Variants in CMYA5 observed in about 807,000 individuals in gnomAD.
CMYA5 encodes cardiomyopathy-associated protein 5.
In CMYA5, 246 loss-of-function variants were observed where a neutral mutation model predicts 318.9. The ratio of observed to expected loss-of-function variants is 0.77; its 90% CI spans 0.70 to 0.86. The LOEUF (loss-of-function observed/expected upper bound fraction) is 0.86, where lower values mean the gene tolerates loss of function less well. CMYA5 is among the 40% of genes least tolerant of loss of function. CMYA5 has a pLI of 0.00. For synonymous variants in CMYA5, 1,641 were observed against 1,729.5 expected (o/e 0.95, Z 1.27); for missense variants, 4,589 against 4,678.2 (o/e 0.98, Z 0.56).
chr5:79,745,204 T>C lies in CMYA5; in HGVS notation c.10735-18T>C, dbSNP rs1157493813. Reference sequence around the variant, plus strand: ...TTGTTTCATTCAGAAGTGGGCTTTTTTGCTTGTTTGTTTTCAGGAAAACTG... The same window carrying C: ...TTGTTTCATTCAGAAGTGGGCTTTTCTGCTTGTTTGTTTTCAGGAAAACTG... On this transcript the variant is annotated intron_variant, in intron 3 of 12. Transcript: ENST00000446378. 1 of 1,508,764 alleles carries C rather than the reference T, an allele frequency of 6.6e-7. No individual in the cohort carries two copies. Among genetic ancestry groups the C allele is most frequent in the East Asian group, 2.4e-5 (1 of 40,958 alleles). 93.5% of individuals were successfully genotyped at this position (1,508,764 alleles called of 1,614,324 possible). A position where few individuals can be genotyped will look rare whatever the true frequency, so the allele number is the denominator to read the frequency against.
intron 1 of CMYA5, among the ~76,000 whole-genome samples, chr5:79,704,678 T>TGA (rs139200951): frequency 0.022 from 3,236 of 150,484 alleles, 113 homozygotes; most frequent in African/African-American, 0.073. Flanking sequence ...ATAGCTATGT[T>TGA]GAGAGAGAGA....
At chr5:79,707,239 G>T (rs1377229308) in intron 1 of CMYA5, among the ~76,000 whole-genome samples, 1 of 152,172 alleles carries the variant, frequency 6.6e-6, no homozygotes, top group Non-Finnish European at 1.5e-5. Flanking sequence ...TGCAGCCACT[G>T]AGACATACAA....
chr5:79,741,238 G>T (rs149975933), intron 2 of CMYA5, among the ~76,000 whole-genome samples: 103 of 152,232 alleles, frequency 6.8e-4, no homozygotes, highest in African/African-American at 2.3e-3. Context: ...ACTGTCATTA[G>T]TTTGCAGATA....
chr5:79,703,753 T>G (rs1449473533), intron 1 of CMYA5, among the ~76,000 whole-genome samples: 1 of 152,198 alleles, frequency 6.6e-6, no homozygotes, highest in Non-Finnish European at 1.5e-5. Flanking sequence ...CTAGTCAACT[T>G]TATTTTGATC....
intron 1 of CMYA5, among the ~76,000 whole-genome samples, chr5:79,708,722 CA>C (rs1451956746): frequency 6.6e-6 from 1 of 151,618 alleles, no homozygotes; most frequent in Non-Finnish European, 1.5e-5. Context: ...AGTAGATCAA[CA>C]GGAGTTCGAC....
At chr5:79,756,018 A>T (rs1828521196) in intron 6 of CMYA5, among the ~76,000 whole-genome samples, 1 of 152,242 alleles carries the variant, frequency 6.6e-6, no homozygotes, top group Non-Finnish European at 1.5e-5. Context: ...TTCACTGTTC[A>T]TGCCTCAAGT....
chr5:79,692,310 G>A (rs1414723893), intron 1 of CMYA5, among the ~76,000 whole-genome samples: 2 of 152,118 alleles, frequency 1.3e-5, no homozygotes, highest in Non-Finnish European at 2.9e-5. Context: ...TTTTTGGTTT[G>A]CAAACCTTCA....
At chr5:79,768,654 A>G (rs1167552747) in intron 9 of CMYA5, among the ~76,000 whole-genome samples, 2 of 152,188 alleles carry the variant, frequency 1.3e-5, no homozygotes, top group African/African-American at 4.8e-5. Context: ...GGTTTCTGCA[A>G]AGAGATCCGT....
intron 1 of CMYA5, among the ~76,000 whole-genome samples, chr5:79,721,349 G>T (rs1055917642): frequency 6.6e-6 from 1 of 151,588 alleles, no homozygotes; most frequent in African/African-American, 2.4e-5. Flanking sequence ...ACAAAATAAG[G>T]CAAGATAGGA....
At chr5:79,798,363 C>T (rs914515403) in intron 12 of CMYA5, among the ~76,000 whole-genome samples, 1 of 152,114 alleles carries the variant, frequency 6.6e-6, no homozygotes, top group Non-Finnish European at 1.5e-5. Context: ...CTCTCTTCTT[C>T]CATCTCTCAT....
intron 9 of CMYA5, among the ~76,000 whole-genome samples, chr5:79,773,376 T>C (rs1056437743): frequency 2.6e-5 from 4 of 152,232 alleles, no homozygotes; most frequent in African/African-American, 9.6e-5. Flanking sequence ...ATTGTAGTGC[T>C]TGGATATTTA....
At position 79,733,851 on chromosome 5, in the gene CMYA5, G is replaced by C. The variant is rs771909157; in HGVS notation, c.5086G>C (p.Ala1696Pro). 2 of 1,613,622 alleles carry C rather than the reference G, an allele frequency of 1.2e-6. No individual in the cohort carries two copies. The highest frequency in any genetic ancestry group is 1.7e-6 in the Non-Finnish European group (2 of 1,179,838). ...GCTTTGTGCATCTTCTACGATGCCT[G>C]CAATTTCAGAGCTTTCATCATTGCT... Reference protein sequence around the residue: ...RELCASSTMPAISELSSLLRE... With the variant: ...RELCASSTMPPISELSSLLRE... Residue 1696 changes from alanine (A) to proline (P), a missense_variant, in exon 2 of 13, where the codon GCA (alanine) becomes CCA (proline). Ala to Pro is a conservative substitution (Grantham distance 27, BLOSUM62 -1). This residue lies in a region of CMYA5 where 2,132 missense variants were observed against 2,131.3 expected (regional missense o/e 1.00). Coordinates refer to ENST00000446378, the MANE Select transcript of CMYA5 (RefSeq NM_153610.5).
At chr5:79,701,760 T>G (rs1190586750) in intron 1 of CMYA5, among the ~76,000 whole-genome samples, 1 of 152,172 alleles carries the variant, frequency 6.6e-6, no homozygotes, top group African/African-American at 2.4e-5. Flanking sequence ...TAAAAATCTG[T>G]ACATTAATAT....
At chr5:79,762,829 AC>A in intron 8 of CMYA5, 1 of 473,524 alleles carries the variant, frequency 2.1e-6, no homozygotes, top group Admixed American at 3.7e-5. Context: ...ATAGGAAGCT[AC>A]TATTAGGGGC....
In CMYA5 at chr5:79,707,025, T is replaced by G. The variant is rs149239666; in HGVS notation, c.149+16969T>G. Among the ~76,000 whole-genome samples, 1,226 of 152,314 alleles carry G rather than the reference T, an allele frequency of 8.0e-3. 9 individuals carry two copies. The highest frequency in any genetic ancestry group is 0.012 in the Non-Finnish European group (850 of 68,016). On this transcript the variant is annotated intron_variant, in intron 1 of 12. Transcript: ENST00000446378. ...TTTTTTGCTTCGTTTTAATTTTAAA[T>G]CAAAACTAGGTGTGAACTCCAGTGT... is the stretch of plus-strand genomic sequence containing the variant.
At position 79,729,973 on chromosome 5, in the gene CMYA5, CAGG is replaced by C; in HGVS notation, c.1210_1212del (p.Gly404del). 1 of 1,613,982 alleles carries C rather than the reference CAGG, an allele frequency of 6.2e-7. No homozygotes were observed. The highest frequency in any genetic ancestry group is 8.5e-7 in the Non-Finnish European group (1 of 1,179,878). On this transcript the variant is annotated inframe_deletion, in exon 2 of 13. Transcript: ENST00000446378. Reference sequence around the variant, plus strand: ...AAGGAAGAATGTGAGCTTGCTTCACCAGGAACTGCAGCTTCAGAGAATGACTCT... The same window carrying C: ...AAGGAAGAATGTGAGCTTGCTTCACCAACTGCAGCTTCAGAGAATGACTCT...
In CMYA5 at chr5:79,730,343, A is replaced by G; in HGVS notation, c.1578A>G (p.Leu526=). 1 of 1,613,606 alleles carries G rather than the reference A, an allele frequency of 6.2e-7. No homozygotes were observed. ...CCCCTGAACCTGAAGATTCTAATTT[A>G]GTAGAAGAAGAGATCGTAGAACTTG... ...AITPEPEDSN[L]VEEEIVELDY... The change falls in exon 2 of 13, where the codon TTA becomes TTG. Residue 526 remains leucine (L), a synonymous_variant. Transcript: ENST00000446378.
Position 79,733,110 on chromosome 5 carries a change from C to A in CMYA5, c.4345C>A (p.Pro1449Thr). 1 of 1,613,692 alleles carries A rather than the reference C, an allele frequency of 6.2e-7. No homozygotes were observed. The highest frequency in any genetic ancestry group is 1.1e-5 in the South Asian group (1 of 91,066). The change falls in exon 2 of 13, where the codon CCA (proline) becomes ACA (threonine). Residue 1449 changes from proline to threonine, a missense_variant. Pro to Thr is a conservative substitution (Grantham distance 38). This residue lies in a region of CMYA5 where 2,132 missense variants were observed against 2,131.3 expected (regional missense o/e 1.00). Coordinates refer to ENST00000446378, the MANE Select transcript of CMYA5 (RefSeq NM_153610.5). ...GAAGGAAATTAAATTTGATTCACTT[C>A]CAAGTGTCTCCTCTATAGCAGAGCA... ...AEKEIKFDSL[P>T]SVSSIAEHSV... is the part of the protein sequence containing the mutation.
intron 9 of CMYA5, among the ~76,000 whole-genome samples, chr5:79,775,190 G>A (rs183051375): frequency 6.6e-5 from 10 of 152,234 alleles, no homozygotes; most frequent in Admixed American, 5.2e-4. Flanking sequence ...ATTCCCCATC[G>A]CATCCCCCAG....
Sources: gnomAD v4.1 joint callset for allele counts (sites outside exome capture counted in the v4.1 genomes callset) on GRCh38, gnomAD v4.1.1 for gene constraint, gnomAD v4.1.1 regional missense constraint, MANE v1.5 for transcripts, NCBI Gene and HGNC (gene_info 2026-07-23, HGNC 2026-07-21) for gene names.